The following MAP1A variants were observed in gnomAD, a reference collection of about 807,000 sequenced individuals.
The protein encoded by MAP1A is microtubule-associated protein 1A.
MAP1A carries 42 observed loss-of-function variants against 185.9 expected under a neutral mutation model. The ratio of observed to expected loss-of-function variants is 0.23; its 90% confidence interval spans 0.18 to 0.29. MAP1A has a LOEUF of 0.29. Among genes scored for constraint, MAP1A ranks in the 10% least tolerant of loss-of-function variants. The pLI, the probability that MAP1A is intolerant of heterozygous loss-of-function variation, is 1.00. For synonymous variants in MAP1A, 1,229 were observed against 1,335.9 expected (o/e 0.92, Z 1.74); for missense variants, 2,995 against 3,450.4 (o/e 0.87, Z 3.31).
rs761360652 is a variant in MAP1A at position 43,525,607 on chromosome 15, G to A, written c.4134G>A (p.Glu1378=). 2 of 1,593,440 alleles carry A rather than the reference G, an allele frequency of 1.3e-6. No individual in the cohort carries two copies. The highest frequency in any genetic ancestry group is 1.7e-6 in the Non-Finnish European group (2 of 1,172,308). ...QQKDKTLEHK[E]VVEPKDTAIY... ...AAGACAAAACTCTGGAGCACAAGGAGGTGGTAGAGCCGAAGGATACAGCCA... is the reference window on the plus strand; with the variant it reads ...AAGACAAAACTCTGGAGCACAAGGAAGTGGTAGAGCCGAAGGATACAGCCA... Residue 1378 remains glutamate, a synonymous_variant, in exon 4 of 6, where the codon GAG becomes GAA. Transcript: ENST00000300231.
At position 43,529,700 on chromosome 15, in the gene MAP1A, G is replaced by C; in HGVS notation, c.8086G>C (p.Ala2696Pro). The C allele has an allele frequency of 6.2e-7, 1 of 1,614,032 alleles. No homozygotes were observed. Among genetic ancestry groups the C allele is most frequent in the Non-Finnish European group, 8.5e-7 (1 of 1,179,992 alleles). ...TGGTGCCCCTGTATATGTGGATCTCGCCTACATCCCGAATCATTGCAGTGG... is the reference window on the plus strand; with the variant it reads ...TGGTGCCCCTGTATATGTGGATCTCCCCTACATCCCGAATCATTGCAGTGG... ...SSGAPVYVDL[A>P]YIPNHCSGKT... Residue 2696 changes from alanine (A) to proline (P), a missense_variant, in exon 5 of 6, where the codon GCC becomes CCC. Ala to Pro is a conservative substitution (Grantham distance 27). Coordinates refer to ENST00000300231, the MANE Select transcript of MAP1A (RefSeq NM_002373.6). The surrounding 1 kb of genome is among the most constrained non-coding windows in gnomAD (Gnocchi z 4.3).
chr15:43,524,227 T>G lies in MAP1A; in HGVS notation c.2754T>G (p.Thr918=), dbSNP rs755715024. 2.4e-5 allele frequency: 39 copies of G among 1,613,998 alleles called. No homozygotes were observed. Among genetic ancestry groups the G allele is most frequent in the Non-Finnish European group, 3.2e-5 (38 of 1,180,022 alleles). The part of the protein sequence containing the change: ...KSPPCEDFSV[T]GESEKRGEII... ...CACCCTGTGAGGACTTCTCTGTGACTGGGGAGTCAGAGAAGAGAGGAGAGA... is the reference window on the plus strand; with the variant it reads ...CACCCTGTGAGGACTTCTCTGTGACGGGGGAGTCAGAGAAGAGAGGAGAGA... The change falls in exon 4 of 6, where the codon ACT becomes ACG. Residue 918 remains threonine (T), a synonymous_variant. Transcript: ENST00000300231.
Position 43,529,255 on chromosome 15 carries a change from G to A in MAP1A, c.7782G>A (p.Arg2594=), listed in dbSNP as rs1362575761. 4 of 1,613,536 alleles carry A rather than the reference G, an allele frequency of 2.5e-6. No homozygotes were observed. In the African/African-American group the frequency reaches 4.0e-5, roughly 16 times the overall value. Residue 2594 remains arginine, a synonymous_variant, in exon 4 of 6, where the codon AGG becomes AGA. Transcript: ENST00000300231. This position sits in a 1 kb window ranked among gnomAD's most constrained non-coding sequence, Gnocchi z 4.3. ...GCTCAGAGTCTGGGAGAGTAGAGAG[G>A]CTACGGGAGAAGGAAAAGGTTCAGG... The part of the protein sequence containing the change: ...GLSSESGRVE[R]LREKEKVQGR...
rs780294832 is a variant in MAP1A, at chr15:43,522,277, A to G, written c.804A>G (p.Pro268=). The change falls in exon 4 of 6, where the codon CCA becomes CCG. Residue 268 remains proline (P), a synonymous_variant. Transcript: ENST00000300231. This position sits in a 1 kb window ranked among gnomAD's most constrained non-coding sequence, Gnocchi z 5.9. ...AGAAGATTGTGCGTGTGCTTTTTCC[A>G]GGAAATGCTCCCCAAAACAAGATCT... The part of the protein sequence containing the change: ...PTEKIVRVLF[P]GNAPQNKILE... 1.9e-6 allele frequency: 3 copies of G among 1,614,186 alleles called. No individual in the cohort carries two copies. The highest frequency in any genetic ancestry group is 2.5e-6 in the Non-Finnish European group (3 of 1,180,034).
At position 43,529,752 on chromosome 15, in the gene MAP1A, G is replaced by A. The variant is rs761561997; in HGVS notation, c.8138G>A (p.Arg2713His). Residue 2713 changes from arginine to histidine, a missense_variant, in exon 5 of 6, where the codon CGT becomes CAT. Arg to His is a conservative substitution (Grantham distance 29, BLOSUM62 0). Around this residue, in one of 3 missense-constraint regions of MAP1A, gnomAD observed 2,728 missense variants for 2,986.0 expected, o/e 0.91. Transcript: ENST00000300231. The surrounding 1 kb of genome is among the most constrained non-coding windows in gnomAD (Gnocchi z 4.3). The part of the protein sequence containing the change: ...SGKTADLDFF[R>H]RVRASYYVVS... ...AAGACTGCTGACCTTGACTTCTTCC[G>A]TCGAGTGCGTGCATCCTACTATGTG... The A allele has an allele frequency of 9.9e-6, 16 of 1,614,014 alleles. No homozygotes were observed. Among genetic ancestry groups the A allele is most frequent in the East Asian group, 4.5e-5 (2 of 44,888 alleles).
At position 43,530,926 on chromosome 15, in the gene MAP1A, A is replaced by C. The variant is rs935586231; in HGVS notation, c.*702A>C. The C allele has an allele frequency of 6.5e-6, 1 of 152,808 alleles. No individual in the cohort carries two copies. Among genetic ancestry groups the C allele is most frequent in the Admixed American group, 6.5e-5 (1 of 15,282 alleles). 9.5% of individuals were successfully genotyped at this position (152,808 alleles called of 1,614,324 possible). A position where few individuals can be genotyped will look rare whatever the true frequency, so the allele number is the denominator to read the frequency against. On this transcript the variant is annotated 3_prime_UTR_variant, in exon 6 of 6. Coordinates refer to ENST00000300231, the MANE Select transcript of MAP1A (RefSeq NM_002373.6). ...CATCCCAGGGCTGTGTCCAGACAGC[A>C]CAAAACGGCAAGGAGAGCCCAAGCC...
At position 43,529,219 on chromosome 15, in the gene MAP1A, C is replaced by T. The variant is rs3803333; in HGVS notation, c.7746C>T (p.Pro2582=). The change falls in exon 4 of 6, where the codon CCC becomes CCT. Residue 2582 remains proline (P), a synonymous_variant. Coordinates refer to ENST00000300231, the MANE Select transcript of MAP1A (RefSeq NM_002373.6). The surrounding 1 kb of genome is among the most constrained non-coding windows in gnomAD (Gnocchi z 4.3). ...GCCCTGATGTGTGCATGGCTGACCC[C>T]GAGGGGCTCAGCTCAGAGTCTGGGA... ...PPRPDVCMAD[P]EGLSSESGRV... is the part of the protein sequence containing the mutation. 6.6e-3 allele frequency: 10,596 copies of T among 1,612,084 alleles called. 190 individuals are homozygous for T. The highest frequency in any genetic ancestry group is 0.06 in the East Asian group (2,699 of 44,796).
Position 43,526,010 on chromosome 15 carries a change from G to C in MAP1A, c.4537G>C (p.Asp1513His), listed in dbSNP as rs1217018436. ...VRSVEHKAPE[D>H]TVAEMKDRDL... ...AAGTGTTGAACATAAGGCTCCGGAG[G>C]ACACGGTCGCTGAAATGAAGGACAG... The change falls in exon 4 of 6, where the codon GAC becomes CAC. Residue 1513 changes from aspartate (D) to histidine (H), a missense_variant. By Grantham distance (81) the Asp-to-His change is moderately conservative. Coordinates refer to ENST00000300231, the MANE Select transcript of MAP1A (RefSeq NM_002373.6). This position sits in a 1 kb window ranked among gnomAD's most constrained non-coding sequence, Gnocchi z 4.7. The C allele has an allele frequency of 6.2e-7, 1 of 1,613,640 alleles. No homozygotes were observed. Among genetic ancestry groups the C allele is most frequent in the South Asian group, 1.1e-5 (1 of 91,050 alleles).
chr15:43,516,132 A>C (rs2079296319), upstream of MAP1A, among the ~76,000 whole-genome samples: 1 of 152,206 alleles, frequency 6.6e-6, no homozygotes, highest in Admixed American at 6.5e-5. Context: ...AGAACGATGA[A>C]GTTGCAGAAG....
rs1490245537 is a variant in MAP1A at position 43,522,295 on chromosome 15, C to G, written c.822C>G (p.Asn274Lys). ...TTTTTCCAGGAAATGCTCCCCAAAA[C>G]AAGATCTTGGAGGGCCTAGAAAAGC... ...RVLFPGNAPQNKILEGLEKLR... is the reference protein window; with the variant it reads ...RVLFPGNAPQKKILEGLEKLR... Residue 274 changes from asparagine (N) to lysine (K), a missense_variant, in exon 4 of 6, where the codon AAC (asparagine) becomes AAG (lysine). Coordinates refer to ENST00000300231, the MANE Select transcript of MAP1A (RefSeq NM_002373.6). This position sits in a 1 kb window ranked among gnomAD's most constrained non-coding sequence, Gnocchi z 5.9. 6.2e-7 allele frequency: 1 copy of G among 1,614,134 alleles called. No homozygotes were observed. Among genetic ancestry groups the G allele is most frequent in the Admixed American group, 1.7e-5 (1 of 60,014 alleles).
chr15:43,510,994 G>C (rs768873216), exon 1 of MAP1A: 34 of 1,542,550 alleles, frequency 2.2e-5, no homozygotes, highest in Non-Finnish European at 2.8e-5. Flanking sequence ...TTTCCATGGA[G>C]ACCGAGGCCG....
chr15:43,527,595 C>T lies in MAP1A; in HGVS notation c.6122C>T (p.Pro2041Leu). The part of the protein sequence containing the change: ...PTFSYAALAG[P>L]TVPPRPEPGP... Reference sequence around the variant, plus strand: ...TTCAGCTATGCAGCCCTGGCAGGACCCACTGTACCCCCAAGGCCAGAGCCA... The same window carrying T: ...TTCAGCTATGCAGCCCTGGCAGGACTCACTGTACCCCCAAGGCCAGAGCCA... The change falls in exon 4 of 6, where the codon CCC (proline) becomes CTC (leucine). Residue 2041 changes from proline to leucine, a missense_variant. This residue lies in a region of MAP1A where 2,728 missense variants were observed against 2,986.0 expected (regional missense o/e 0.91). Transcript: ENST00000300231. The T allele has an allele frequency of 6.2e-7, 1 of 1,614,120 alleles. No individual in the cohort carries two copies. The highest frequency in any genetic ancestry group is 8.5e-7 in the Non-Finnish European group (1 of 1,180,016).
chr15:43,529,716 A>G lies in MAP1A; in HGVS notation c.8102A>G (p.His2701Arg). ...VYVDLAYIPN[H>R]CSGKTADLDF... is the part of the protein sequence containing the mutation. ...GTGGATCTCGCCTACATCCCGAATC[A>G]TTGCAGTGGCAAGACTGCTGACCTT... The change falls in exon 5 of 6, where the codon CAT becomes CGT. Residue 2701 changes from histidine (H) to arginine (R), a missense_variant. By Grantham distance (29) the His-to-Arg change is conservative. Around this residue, in one of 3 missense-constraint regions of MAP1A, gnomAD observed 2,728 missense variants for 2,986.0 expected, o/e 0.91. Coordinates refer to ENST00000300231, the MANE Select transcript of MAP1A (RefSeq NM_002373.6). This position sits in a 1 kb window ranked among gnomAD's most constrained non-coding sequence, Gnocchi z 4.3. The G allele has an allele frequency of 6.2e-7, 1 of 1,613,652 alleles. No homozygotes were observed. The highest frequency in any genetic ancestry group is 2.2e-5 in the East Asian group (1 of 44,828).
Position 43,525,092 on chromosome 15 carries a change from G to C in MAP1A, c.3619G>C (p.Glu1207Gln). The change falls in exon 4 of 6, where the codon GAG (glutamate) becomes CAG (glutamine). Residue 1207 changes from glutamate to glutamine, a missense_variant. Glu to Gln is a conservative substitution (Grantham distance 29, BLOSUM62 2). Transcript: ENST00000300231. ...LSLSEESPSKETSLDVSSKQL... is the reference protein window; with the variant it reads ...LSLSEESPSKQTSLDVSSKQL... ...TCTGTCAGAAGAGAGTCCCAGCAAGGAGACCTCCCTGGATGTCTCTTCTAA... is the reference window on the plus strand; with the variant it reads ...TCTGTCAGAAGAGAGTCCCAGCAAGCAGACCTCCCTGGATGTCTCTTCTAA... 6.2e-7 allele frequency: 1 copy of C among 1,614,164 alleles called. No homozygotes were observed. Among genetic ancestry groups the C allele is most frequent in the Middle Eastern group, 1.6e-4 (1 of 6,062 alleles).
chr15:43,526,450 G>A lies in MAP1A; in HGVS notation c.4977G>A (p.Glu1659=). 1 of 1,614,170 alleles carries A rather than the reference G, an allele frequency of 6.2e-7. No homozygotes were observed. The highest frequency in any genetic ancestry group is 8.5e-7 in the Non-Finnish European group (1 of 1,180,016). The change falls in exon 4 of 6, where the codon GAG becomes GAA. Residue 1659 remains glutamate, a synonymous_variant. Transcript: ENST00000300231. This position sits in a 1 kb window ranked among gnomAD's most constrained non-coding sequence, Gnocchi z 4.7. ...AAGAAACATCTCCTACCAGAGAGGA[G>A]CCGGCTGGAGAACAGAAAGAGCTTG... ...EWQETSPTRE[E]PAGEQKELAP...
chr15:43,519,373 C>T (rs1162068233), intron 1 of MAP1A, among the ~76,000 whole-genome samples: 1 of 152,210 alleles, frequency 6.6e-6, no homozygotes, highest in Non-Finnish European at 1.5e-5. Context: ...CCAGATCTGC[C>T]TGATCCTGGC....
Position 43,527,949 on chromosome 15 carries a change from C to G in MAP1A, c.6476C>G (p.Pro2159Arg), listed in dbSNP as rs1210957556. ...PLDSHLGPAR[P>R]SLDFPASAFG... is the part of the protein sequence containing the mutation. ...GACTCACACCTGGGGCCTGCCCGAC[C>G]CAGTCTGGACTTCCCTGCTTCAGCC... The change falls in exon 4 of 6, where the codon CCC becomes CGC. Residue 2159 changes from proline to arginine, a missense_variant. Physicochemically the swap from Pro to Arg is moderately radical, Grantham distance 103 (BLOSUM62 -2). This residue lies in a region of MAP1A where 2,728 missense variants were observed against 2,986.0 expected (regional missense o/e 0.91). Transcript: ENST00000300231. 1.9e-6 allele frequency: 3 copies of G among 1,614,014 alleles called. No homozygotes were observed. Among genetic ancestry groups the G allele is most frequent in the Admixed American group, 3.3e-5 (2 of 60,000 alleles).
Position 43,528,922 on chromosome 15 carries a change from G to A in MAP1A, c.7449G>A (p.Gly2483=), listed in dbSNP as rs1444143852. Reference sequence around the variant, plus strand: ...GAAGAGGGGGGCGGCGCCGGGTAGGGGGGCCAGGGACCACTGGGGGCCCAT... The same window carrying A: ...GAAGAGGGGGGCGGCGCCGGGTAGGAGGGCCAGGGACCACTGGGGGCCCAT... ...LVGRGGRRRV[G]GPGTTGGPCP... The change falls in exon 4 of 6, where the codon GGG becomes GGA. Residue 2483 remains glycine, a synonymous_variant. Coordinates refer to ENST00000300231, the MANE Select transcript of MAP1A (RefSeq NM_002373.6). The A allele has an allele frequency of 2.5e-6, 4 of 1,613,034 alleles. No homozygotes were observed.
upstream of MAP1A, among the ~76,000 whole-genome samples, chr15:43,517,146 T>C (rs1179039695): frequency 6.6e-6 from 1 of 152,114 alleles, no homozygotes; most frequent in Non-Finnish European, 1.5e-5. Context: ...CCAACCTTTG[T>C]CTTAAGCAGT....
Sources: gnomAD v4.1 joint callset for allele counts (sites outside exome capture counted in the v4.1 genomes callset) on GRCh38, gnomAD v4.1.1 for gene constraint, gnomAD v4.1.1 regional missense constraint, Gnocchi (gnomAD v3.1) non-coding constraint, MANE v1.5 for transcripts, NCBI Gene and HGNC (gene_info 2026-07-23, HGNC 2026-07-21) for gene names.